The following CDH13 variants were observed in gnomAD, a reference collection of about 807,000 sequenced individuals.
The protein encoded by CDH13 is cadherin-13.
CDH13 carries 24 observed loss-of-function variants against 63.8 expected under a neutral mutation model. That is an observed-to-expected ratio of 0.38 (90% CI 0.27 to 0.53). CDH13 has a LOEUF of 0.53. Among genes scored for constraint, CDH13 ranks in the 20% least tolerant of loss-of-function variants. CDH13 has a pLI of 0.85. For synonymous variants in CDH13, 503 were observed against 355.3 expected (o/e 1.42, Z -4.67); for missense variants, 1,049 against 903.1 (o/e 1.16, Z -2.07).
Position 83,530,323 on chromosome 16 carries a change from C to G in CDH13, c.960+43668C>G, listed in dbSNP as rs144621659. ...TAGCTTGAATTTTGTGGAGTCACCACTGAGCTGACCTTGTGCTGAGTTTTA... is the reference window on the plus strand; with the variant it reads ...TAGCTTGAATTTTGTGGAGTCACCAGTGAGCTGACCTTGTGCTGAGTTTTA... On this transcript the variant is annotated intron_variant, in intron 7 of 13. Transcript: ENST00000567109. Among the ~76,000 whole-genome samples, 1,140 of 152,332 alleles carry G rather than the reference C, an allele frequency of 7.5e-3. 18 individuals carry two copies. Among genetic ancestry groups the G allele is most frequent in the African/African-American group, 0.025 (1,060 of 41,570 alleles).
intron 3 of CDH13, among the ~76,000 whole-genome samples, chr16:83,052,664 C>G (rs1159073710): frequency 1.3e-5 from 2 of 150,934 alleles, no homozygotes; most frequent in African/African-American, 4.9e-5. Flanking sequence ...CCTTTAATCC[C>G]AGCTACTCGG....
At chr16:82,988,162 G>A in intron 2 of CDH13, among the ~76,000 whole-genome samples, 1 of 152,274 alleles carries the variant, frequency 6.6e-6, no homozygotes, top group East Asian at 1.9e-4. Context: ...GTGTGTACAT[G>A]CATATGTGGT....
intron 2 of CDH13, among the ~76,000 whole-genome samples, chr16:82,898,057 C>G (rs955390492): frequency 2.6e-5 from 4 of 152,160 alleles, no homozygotes; most frequent in Non-Finnish European, 5.9e-5. Context: ...AAAACATATA[C>G]AGTTCTCAAA....
chr16:83,707,464 G>C (rs987797480), intron 10 of CDH13, among the ~76,000 whole-genome samples: 1 of 152,076 alleles, frequency 6.6e-6, no homozygotes, highest in Non-Finnish European at 1.5e-5. Flanking sequence ...TTCACTGAAT[G>C]CTTTTAAGTT....
intron 4 of CDH13, among the ~76,000 whole-genome samples, chr16:83,147,184 C>G (rs1360035279): frequency 1.3e-5 from 2 of 152,178 alleles, no homozygotes; most frequent in Non-Finnish European, 2.9e-5. Flanking sequence ...TCCACAGAAA[C>G]TGAGGGCCGT....
chr16:82,946,060 C>T (rs1309405164), intron 2 of CDH13, among the ~76,000 whole-genome samples: 1 of 151,932 alleles, frequency 6.6e-6, no homozygotes, highest in Non-Finnish European at 1.5e-5. Flanking sequence ...TTCTCTTTCC[C>T]CTGATCAACT....
At chr16:83,677,403 C>A (rs1488315979) in intron 9 of CDH13, among the ~76,000 whole-genome samples, 1 of 152,220 alleles carries the variant, frequency 6.6e-6, no homozygotes, top group African/African-American at 2.4e-5. Flanking sequence ...TTGTGTGGGA[C>A]TGTCCTGGGC....
chr16:82,889,931 A>G (rs1428892743), intron 2 of CDH13, among the ~76,000 whole-genome samples: 8 of 152,282 alleles, frequency 5.3e-5, no homozygotes, highest in Non-Finnish European at 7.3e-5. Context: ...GGCATGGGCC[A>G]CAGACCTCCA....
chr16:83,635,786 C>T (rs1397754183), intron 8 of CDH13, among the ~76,000 whole-genome samples: 2 of 152,122 alleles, frequency 1.3e-5, no homozygotes, highest in Non-Finnish European at 2.9e-5. Flanking sequence ...GAATCTTTCA[C>T]AGAACAAAAG....
chr16:82,967,102 G>T (rs916397470), intron 2 of CDH13, among the ~76,000 whole-genome samples: 1 of 152,022 alleles, frequency 6.6e-6, no homozygotes, highest in Non-Finnish European at 1.5e-5. Flanking sequence ...ATTATAGGTT[G>T]GTTAGTTTGT....
rs753280933 is a variant in CDH13, at chr16:83,748,134, G to T, written c.1565G>T (p.Gly522Val). The T allele has an allele frequency of 5.0e-6, 8 of 1,613,882 alleles. No homozygotes were observed. The highest frequency in any genetic ancestry group is 4.5e-5 in the East Asian group (2 of 44,860). The change falls in exon 11 of 14, where the codon GGT (glycine) becomes GTT (valine). Residue 522 changes from glycine (G) to valine (V), a missense_variant. Transcript: ENST00000567109. Reference protein sequence around the residue: ...IRYSVYKDPAGWLNINPINGT... With the variant: ...IRYSVYKDPAVWLNINPINGT... ...TATTCTGTTTACAAGGACCCAGCAG[G>T]TTGGCTGAATATTAACCCCATCAAT...
chr16:82,832,243 G>GTTT (rs1555526190), intron 1 of CDH13, among the ~76,000 whole-genome samples: 3 of 151,534 alleles, frequency 2.0e-5, no homozygotes, highest in Non-Finnish European at 4.4e-5. Flanking sequence ...TTAAACCACT[G>GTTT]TTTAATACTT....
chr16:83,650,615 G>T (rs950056275), intron 8 of CDH13, among the ~76,000 whole-genome samples: 1 of 152,132 alleles, frequency 6.6e-6, no homozygotes, highest in Non-Finnish European at 1.5e-5. Context: ...AGCTTGGATG[G>T]TGCTACCAGC....
intron 1 of CDH13, among the ~76,000 whole-genome samples, chr16:82,846,894 A>T (rs1461517458): frequency 1.3e-5 from 2 of 152,246 alleles, no homozygotes; most frequent in Non-Finnish European, 2.9e-5. Flanking sequence ...AATAGCAAAA[A>T]ATAAAATAAA....
chr16:83,692,515 C>T (rs1256182599), intron 10 of CDH13, among the ~76,000 whole-genome samples: 1 of 152,196 alleles, frequency 6.6e-6, no homozygotes, highest in Non-Finnish European at 1.5e-5. Flanking sequence ...GGTTTCTTTC[C>T]ATTTAACTCT....
chr16:83,777,641 C>T (rs1203268773), intron 11 of CDH13, among the ~76,000 whole-genome samples: 2 of 152,198 alleles, frequency 1.3e-5, no homozygotes, highest in Non-Finnish European at 2.9e-5. Flanking sequence ...CCATCATGCC[C>T]ACGCCTGCTT....
At chr16:83,769,036 G>A (rs1567583842) in intron 11 of CDH13, among the ~76,000 whole-genome samples, 1 of 152,206 alleles carries the variant, frequency 6.6e-6, no homozygotes, top group Non-Finnish European at 1.5e-5. Context: ...CACAGAACGA[G>A]AAGATGGGAG....
At chr16:83,304,413 G>A (rs1029095353) in intron 5 of CDH13, among the ~76,000 whole-genome samples, 10 of 152,100 alleles carry the variant, frequency 6.6e-5, no homozygotes, top group Non-Finnish European at 1.0e-4. Context: ...TGGGGAATGA[G>A]AAGGAGCTCA....
At chr16:82,794,116 C>T (rs899009418) in intron 1 of CDH13, among the ~76,000 whole-genome samples, 1 of 151,870 alleles carries the variant, frequency 6.6e-6, no homozygotes, top group Non-Finnish European at 1.5e-5. Flanking sequence ...GAATGAGGCC[C>T]AACACAAGTT....
Sources: gnomAD v4.1 joint callset for allele counts (sites outside exome capture counted in the v4.1 genomes callset) on GRCh38, gnomAD v4.1.1 for gene constraint, MANE v1.5 for transcripts, NCBI Gene and HGNC (gene_info 2026-07-23, HGNC 2026-07-21) for gene names.